The following ZNF426 variants were observed in gnomAD, a reference collection of about 807,000 sequenced individuals.
The protein encoded by ZNF426 is CTC-543D15.7.
Under a neutral mutation model 24.0 loss-of-function variants are expected in ZNF426, and 23 were observed. The ratio of observed to expected loss-of-function variants is 0.96; its 90% CI spans 0.69 to 1.36. ZNF426 has a LOEUF of 1.36. Among genes scored for constraint, ZNF426 ranks in the 40% most tolerant of loss-of-function variants. ZNF426 has a pLI of 0.00. For missense variants in ZNF426, 646 were observed against 658.4 expected (o/e 0.98, Z 0.21); for synonymous variants, 272 against 224.6 (o/e 1.21, Z -1.89).
chr19:9,536,857 G>C (rs909595922), intron 2 of ZNF426, among the ~76,000 whole-genome samples: 1 of 151,726 alleles, frequency 6.6e-6, no homozygotes, highest in African/African-American at 2.4e-5. Context: ...TTATTTGGCT[G>C]GGCAGGGTGG....
At chr19:9,538,416 G>A (rs2074000593) in intron 1 of ZNF426, 71 bp from the exon 2 acceptor site, 1 of 152,154 alleles carries the variant, frequency 6.6e-6, no homozygotes, top group Admixed American at 6.5e-5. Context: ...AAAACACCCT[G>A]CGGACACCGT....
chr19:9,530,969 C>G lies in ZNF426; in HGVS notation c.408+16G>C. 6.3e-7 allele frequency: 1 copy of G among 1,597,326 alleles called. No individual in the cohort carries two copies. Among genetic ancestry groups the G allele is most frequent in the Non-Finnish European group, 8.6e-7 (1 of 1,165,234 alleles). On this transcript the variant is annotated intron_variant, in intron 7 of 7. Transcript: ENST00000253115. ...TCTGAGGGTGGAAAATAAAAAATAT[C>G]CTATGCAAATCTTACCAATTGTATC...
rs1249064667 is a variant in ZNF426 at position 9,527,988 on chromosome 19, TTC to T, written c.*390_*391del. 86 of 161,372 alleles carry T rather than the reference TTC, an allele frequency of 5.3e-4. No individual in the cohort carries two copies. The highest frequency in any genetic ancestry group is 1.7e-3 in the African/African-American group (70 of 41,416). 10.0% of individuals were successfully genotyped at this position (161,372 alleles called of 1,614,324 possible). On this transcript the variant is annotated 3_prime_UTR_variant, in exon 8 of 8. Transcript: ENST00000253115. Reference sequence around the variant, plus strand: ...ACAGACTCAATTTAATCAAATAATTTTCTTTTTTTTTTTTTTTTGAGATGGAG... The same window carrying T: ...ACAGACTCAATTTAATCAAATAATTTTTTTTTTTTTTTTTTTGAGATGGAG...
chr19:9,532,770 TA>T, intron 6 of ZNF426, 74 bp downstream of exon 6: 1 of 1,161,826 alleles, frequency 8.6e-7, no homozygotes. Flanking sequence ...AAGTACATGT[TA>T]AAAAGTTTCC....
chr19:9,523,931 CTTA>C lies in ZNF426; in HGVS notation c.*4446_*4448del, dbSNP rs1315877876. On this transcript the variant is annotated 3_prime_UTR_variant, in exon 8 of 8. Coordinates refer to ENST00000253115, the MANE Select transcript of ZNF426 (RefSeq NM_024106.3). ...GGGATCCCTGACCTAGGCCATTCCA[CTTA>C]TTATAGTCATCAAGTTATTCTCCAG... 2 of 152,252 alleles carry C rather than the reference CTTA, an allele frequency of 1.3e-5. No individual in the cohort carries two copies. The highest frequency in any genetic ancestry group is 2.9e-5 in the Non-Finnish European group (2 of 68,060). The allele number at this position is 152,252 out of a possible 1,614,324, so 9.4% of individuals were successfully genotyped here. A position where few individuals can be genotyped will look rare whatever the true frequency, so the allele number is the denominator to read the frequency against.
In ZNF426 at chr19:9,526,627, G is replaced by A. The variant is rs1427646496; in HGVS notation, c.*1753C>T. The stretch of plus-strand genomic sequence containing the variant: ...GAACTGTGGGATAACTACAAAAGAT[G>A]TATCCTACATATAAAGGAAATACCA... On this transcript the variant is annotated 3_prime_UTR_variant, in exon 8 of 8. Coordinates refer to ENST00000253115, the MANE Select transcript of ZNF426 (RefSeq NM_024106.3). The A allele has an allele frequency of 6.6e-6, 1 of 151,738 alleles. No homozygotes were observed. Among genetic ancestry groups the A allele is most frequent in the Admixed American group, 6.6e-5 (1 of 15,198 alleles). The allele number at this position is 151,738 out of a possible 1,614,324, so 9.4% of individuals were successfully genotyped here.
chr19:9,530,703 T>C (rs530117488), intron 7 of ZNF426, among the ~76,000 whole-genome samples: 2 of 150,162 alleles, frequency 1.3e-5, no homozygotes, highest in South Asian at 2.1e-4. Context: ...GTCAAGACTA[T>C]ACTGAGCCAT....
Position 9,531,524 on chromosome 19 carries a change from T to A in ZNF426, c.326-457A>T, listed in dbSNP as rs185021561. Among the ~76,000 whole-genome samples the A allele has an allele frequency of 3.1e-3, 468 of 152,254 alleles. 3 individuals are homozygous for A. Among genetic ancestry groups the A allele is most frequent in the African/African-American group, 0.011 (451 of 41,536 alleles). ...ATTTGGGCTATATCAAAAATTTGGT[T>A]TTGATGTAAATGATCCAAAGGGGGA... On this transcript the variant is annotated intron_variant, in intron 6 of 7. Coordinates refer to ENST00000253115, the MANE Select transcript of ZNF426 (RefSeq NM_024106.3).
Position 9,526,542 on chromosome 19 carries a change from A to G in ZNF426, c.*1838T>C, listed in dbSNP as rs2073793771. 1 of 152,186 alleles carries G rather than the reference A, an allele frequency of 6.6e-6. No homozygotes were observed. Among genetic ancestry groups the G allele is most frequent in the African/African-American group, 2.4e-5 (1 of 41,430 alleles). 9.4% of individuals were successfully genotyped at this position (152,186 alleles called of 1,614,324 possible). The stretch of plus-strand genomic sequence containing the variant: ...ACAGCCAACTAAAGAGCTTGAGAAT[A>G]TATCAGCAGAAACATCCACACCTGA... On this transcript the variant is annotated 3_prime_UTR_variant, in exon 8 of 8. Transcript: ENST00000253115.
chr19:9,527,947 T>G lies in ZNF426; in HGVS notation c.*433A>C. On this transcript the variant is annotated 3_prime_UTR_variant, in exon 8 of 8. Transcript: ENST00000253115. ...TTATAGGGACACCAATCATATTGGA[T>G]TAGGGATGTACTCTAACAGACTCAA... 1 of 157,338 alleles carries G rather than the reference T, an allele frequency of 6.4e-6. No individual in the cohort carries two copies. Among genetic ancestry groups the G allele is most frequent in the Non-Finnish European group, 1.4e-5 (1 of 70,844 alleles). 9.7% of individuals were successfully genotyped at this position (157,338 alleles called of 1,614,324 possible). A position where few individuals can be genotyped will look rare whatever the true frequency, so the allele number is the denominator to read the frequency against.
chr19:9,530,182 G>A (rs2073861556), intron 7 of ZNF426, among the ~76,000 whole-genome samples: 1 of 152,170 alleles, frequency 6.6e-6, no homozygotes, highest in Non-Finnish European at 1.5e-5. Context: ...GATGGGTGCA[G>A]TAGCTCACAT....
At chr19:9,535,561 C>A (rs1054375993) in intron 3 of ZNF426, among the ~76,000 whole-genome samples, 2 of 152,128 alleles carry the variant, frequency 1.3e-5, no homozygotes, top group Admixed American at 1.3e-4. Context: ...TGGTAACACA[C>A]ACCTGTAGTC....
At chr19:9,535,096 A>G in intron 4 of ZNF426, 92 bp downstream of exon 4, 1 of 864,138 alleles carries the variant, frequency 1.2e-6, no homozygotes, top group Non-Finnish European at 1.7e-6. Flanking sequence ...AAAAAAAAAA[A>G]GAAGTCTGGA....
rs45489098 is a variant in ZNF426 at position 9,529,034 on chromosome 19, T to C, written c.1011A>G (p.Val337=). 10,620 of 1,613,608 alleles carry C rather than the reference T, an allele frequency of 6.6e-3. 53 individuals carry two copies. The highest frequency in any genetic ancestry group is 8.1e-3 in the Non-Finnish European group (9,518 of 1,179,842). ...GRTHTGEKPY[V]CKECGKAFTQ... The stretch of plus-strand genomic sequence containing the variant: ...TGAAGGCTTTCCCACATTCCTTACA[T>C]ACATAGGGTTTCTCTCCAGTGTGAG... Residue 337 remains valine, a synonymous_variant, in exon 8 of 8, where the codon GTA becomes GTG. Transcript: ENST00000253115.
chr19:9,531,613 T>C (rs2073884963), intron 6 of ZNF426, among the ~76,000 whole-genome samples: 1 of 152,160 alleles, frequency 6.6e-6, no homozygotes, highest in Non-Finnish European at 1.5e-5. Context: ...ATTGATGCTA[T>C]GAAAATTAAA....
rs753080226 is a variant in ZNF426 at position 9,529,092 on chromosome 19, T to C, written c.953A>G (p.Asn318Ser). The change falls in exon 8 of 8, where the codon AAT becomes AGT. Residue 318 changes from asparagine to serine, a missense_variant. Transcript: ENST00000253115. ...YECKECGKAF[N>S]YSNSFQIHGR... ...ATGTATCTGAAATGAGTTGGAATAA[T>C]TGAAGGCTTTCCCACATTCCTTACA... 2.2e-5 allele frequency: 36 copies of C among 1,613,374 alleles called. No individual in the cohort carries two copies. The African/African-American group carries it at 2.5e-4, about 11-fold the overall frequency.
At position 9,529,021 on chromosome 19, in the gene ZNF426, C is replaced by T. The variant is rs2073838520; in HGVS notation, c.1024G>A (p.Gly342Arg). 1 of 1,613,656 alleles carries T rather than the reference C, an allele frequency of 6.2e-7. No individual in the cohort carries two copies. The highest frequency in any genetic ancestry group is 8.5e-7 in the Non-Finnish European group (1 of 1,179,820). Reference sequence around the variant, plus strand: ...CCCGAGTACTGAGTGAAGGCTTTCCCACATTCCTTACATACATAGGGTTTC... The same window carrying T: ...CCCGAGTACTGAGTGAAGGCTTTCCTACATTCCTTACATACATAGGGTTTC... ...GEKPYVCKEC[G>R]KAFTQYSGLS... The change falls in exon 8 of 8, where the codon GGG becomes AGG. Residue 342 changes from glycine (G) to arginine (R), a missense_variant. Coordinates refer to ENST00000253115, the MANE Select transcript of ZNF426 (RefSeq NM_024106.3).
At chr19:9,534,343 T>C (rs2073933163) in intron 4 of ZNF426, among the ~76,000 whole-genome samples, 1 of 151,812 alleles carries the variant, frequency 6.6e-6, no homozygotes, top group Admixed American at 6.6e-5. Flanking sequence ...GTAGCTGAAA[T>C]TACAGGCACA....
In ZNF426 at chr19:9,528,933, T is replaced by C. The variant is rs759501188; in HGVS notation, c.1112A>G (p.Lys371Arg). ...AAGGCGTGAGGATGTAAGGAAGGATTTCCCACATTCCTTACATTCATAGGG... is the reference window on the plus strand; with the variant it reads ...AAGGCGTGAGGATGTAAGGAAGGATCTCCCACATTCCTTACATTCATAGGG... ...DKPYECKECG[K>R]SFLTSSRLIQ... The change falls in exon 8 of 8, where the codon AAA (lysine) becomes AGA (arginine). Residue 371 changes from lysine to arginine, a missense_variant. Physicochemically the swap from Lys to Arg is conservative, Grantham distance 26 (BLOSUM62 2). Transcript: ENST00000253115. The C allele has an allele frequency of 1.9e-6, 3 of 1,613,876 alleles. No homozygotes were observed. The Admixed American group carries it at 5.0e-5, about 27-fold the overall frequency.
Sources: gnomAD v4.1 joint callset for allele counts (sites outside exome capture counted in the v4.1 genomes callset) on GRCh38, gnomAD v4.1.1 for gene constraint, MANE v1.5 for transcripts, NCBI Gene and HGNC (gene_info 2026-07-23, HGNC 2026-07-21) for gene names.